Variants in VPS35 observed in about 807,000 individuals in gnomAD.
The protein encoded by VPS35 is VPS35 retromer complex component.
Under a neutral mutation model 98.1 loss-of-function variants are expected in VPS35, and 21 were observed. The observed-to-expected ratio is 0.21, with a 90% CI of 0.15 to 0.31. VPS35 has a LOEUF of 0.31. VPS35 is among the 10% of genes least tolerant of loss of function. VPS35 has a pLI of 1.00. For missense variants in VPS35, 554 were observed against 950.8 expected, an observed-to-expected ratio of 0.58 and a Z score of 5.49; for synonymous variants, 268 against 318.2, an observed-to-expected ratio of 0.84 and a Z score of 1.68.
rs559637051 is a variant in VPS35 at position 46,662,336 on chromosome 16, G to A, written c.1974C>T (p.Ser658=). 6 of 1,614,178 alleles carry A rather than the reference G, an allele frequency of 3.7e-6. No individual in the cohort carries two copies. The highest frequency in any genetic ancestry group is 1.3e-5 in the African/African-American group (1 of 75,032). The change falls in exon 15 of 17, where the codon TCC becomes TCT. Residue 658 remains serine (S), a synonymous_variant. Coordinates refer to ENST00000299138, the MANE Select transcript of VPS35 (RefSeq NM_018206.6). The part of the protein sequence containing the change: ...PLRTQCALAA[S]KLLKKPDQGR... The stretch of plus-strand genomic sequence containing the variant: ...CCTGATCAGGTTTCTTTAGAAGTTT[G>A]GATGCAGCAAGGGCACACTGAGTCC...
Position 46,663,862 on chromosome 16 carries a change from A to ATTT in VPS35, c.1648-703_1648-701dup, listed in dbSNP as rs546485076. Among the ~76,000 whole-genome samples the ATTT allele has an allele frequency of 4.7e-3, 135 of 28,658 alleles. 21 individuals carry two copies. Among genetic ancestry groups the ATTT allele is most frequent in the African/African-American group, 0.015 (119 of 7,740 alleles). The allele number at this position is 28,658 out of a possible 152,430, so 18.8% of individuals were successfully genotyped here. A position where few individuals can be genotyped will look rare whatever the true frequency, so the allele number is the denominator to read the frequency against. On this transcript the variant is annotated intron_variant, in intron 13 of 16. Transcript: ENST00000299138. ...AGGCTTGCATCACCACACCTGGCTAATTTTTTTTTTTTTTTTTTTTTTTTT... is the reference window on the plus strand; with the variant it reads ...AGGCTTGCATCACCACACCTGGCTAATTTTTTTTTTTTTTTTTTTTTTTTTTTT...
chr16:46,674,742 T>C, intron 8 of VPS35, 82 bp from the exon 9 acceptor site: 1 of 1,211,914 alleles, frequency 8.3e-7, no homozygotes, highest in Non-Finnish European at 1.2e-6. Context: ...TTATTCTTTA[T>C]TGCTTTTCTA....
intron 1 of VPS35, 134 bp downstream of exon 1, chr16:46,688,997 G>T (rs952401243): frequency 8.4e-6 from 13 of 1,544,572 alleles, no homozygotes; most frequent in Non-Finnish European, 7.0e-6. Flanking sequence ...CTATCCCGCA[G>T]GCCAAATCGG....
intron 1 of VPS35, among the ~76,000 whole-genome samples, chr16:46,684,694 G>A (rs1286360343): frequency 6.6e-6 from 1 of 152,054 alleles, no homozygotes; most frequent in African/African-American, 2.4e-5. Context: ...TTACATCCTT[G>A]GGATCCAACA....
intron 14 of VPS35, 97 bp from the exon 15 acceptor site, chr16:46,662,579 C>T: frequency 6.4e-7 from 1 of 1,560,490 alleles, no homozygotes; most frequent in African/African-American, 1.3e-5. Context: ...TCCTGTGAGA[C>T]TTCTGCAGCC....
chr16:46,676,360 T>C (rs1966152871), intron 8 of VPS35: 4 of 499,782 alleles, frequency 8.0e-6, no homozygotes, highest in Non-Finnish European at 1.4e-5. Context: ...ATAAAGATAT[T>C]CATTATCTTC....
At chr16:46,686,353 A>G (rs187698516) in intron 1 of VPS35, among the ~76,000 whole-genome samples, 2 of 152,304 alleles carry the variant, frequency 1.3e-5, no homozygotes, top group Non-Finnish European at 1.5e-5. Context: ...ATAGCAAATG[A>G]AACTGTGGCT....
rs760891909 is a variant in VPS35 at position 46,676,667 on chromosome 16, T to C, written c.830A>G (p.Gln277Arg). The C allele has an allele frequency of 6.2e-7, 1 of 1,613,388 alleles. No homozygotes were observed. Among genetic ancestry groups the C allele is most frequent in the Non-Finnish European group, 8.5e-7 (1 of 1,179,518 alleles). ...GGCCCGAAGAAAAGGATTCAAAGTC[T>C]GGAGGTGAAATTCATCAGGGAAAAC... Reference protein sequence around the residue: ...IQVFPDEFHLQTLNPFLRACA... With the variant: ...IQVFPDEFHLRTLNPFLRACA... Residue 277 changes from glutamine to arginine, a missense_variant, in exon 8 of 17, where the codon CAG becomes CGG. Transcript: ENST00000299138.
intron 13 of VPS35, 134 bp downstream of exon 13, chr16:46,668,796 G>T: frequency 7.9e-7 from 1 of 1,257,864 alleles, no homozygotes; most frequent in Non-Finnish European, 1.1e-6. Flanking sequence ...TAGAGAGTTG[G>T]CGAAAATGGG....
At chr16:46,679,780 C>T (rs794279) in intron 5 of VPS35, among the ~76,000 whole-genome samples, 120,741 of 152,026 alleles carry the variant, frequency 0.79, 48,786 homozygotes, top group East Asian at 1. Flanking sequence ...ATGCTCAAAA[C>T]GGACACTCAA....
intron 1 of VPS35, 100 bp downstream of exon 1, chr16:46,689,031 T>C (rs763893039): frequency 7.0e-6 from 11 of 1,562,396 alleles, no homozygotes; most frequent in Non-Finnish European, 9.5e-6. Context: ...CCGAACGGTC[T>C]GTGGGGCCCC....
In VPS35 at chr16:46,663,862, A is replaced by AT. The variant is rs546485076; in HGVS notation, c.1648-701dup. 7.0e-4 allele frequency among the ~76,000 whole-genome samples: 20 copies of AT among 28,680 alleles called. 4 individuals are homozygous for AT. The highest frequency in any genetic ancestry group is 2.2e-3 in the African/African-American group (17 of 7,760). 18.8% of individuals were successfully genotyped at this position (28,680 alleles called of 152,430 possible). A position where few individuals can be genotyped will look rare whatever the true frequency, so the allele number is the denominator to read the frequency against. On this transcript the variant is annotated intron_variant, in intron 13 of 16. Coordinates refer to ENST00000299138, the MANE Select transcript of VPS35 (RefSeq NM_018206.6). The stretch of plus-strand genomic sequence containing the variant: ...AGGCTTGCATCACCACACCTGGCTA[A>AT]TTTTTTTTTTTTTTTTTTTTTTTTT...
chr16:46,677,899 T>C (rs1263742430), intron 6 of VPS35, among the ~76,000 whole-genome samples: 1 of 152,212 alleles, frequency 6.6e-6, no homozygotes, highest in Non-Finnish European at 1.5e-5. Flanking sequence ...CTAACATTAT[T>C]AGGTTCTATA....
chr16:46,678,807 C>T (rs1249357827), intron 6 of VPS35, 136 bp downstream of exon 6: 7 of 838,986 alleles, frequency 8.3e-6, no homozygotes, highest in Admixed American at 5.3e-5. Flanking sequence ...TATATCTTTC[C>T]GTTTAAGTCT....
At chr16:46,662,622 G>C (rs1369668962) in intron 14 of VPS35, 140 bp from the exon 15 acceptor site, 27 of 1,352,516 alleles carry the variant, frequency 2.0e-5, no homozygotes, top group Non-Finnish European at 2.7e-5. Flanking sequence ...CCTCTCTTGA[G>C]AGCCACAGGA....
chr16:46,662,877 A>T, intron 14 of VPS35, 106 bp downstream of exon 14: 1 of 1,258,620 alleles, frequency 7.9e-7, no homozygotes, highest in Non-Finnish European at 1.2e-6. Flanking sequence ...GTAGTTACAC[A>T]TTCAGTAAAA....
At position 46,660,504 on chromosome 16, in the gene VPS35, C is replaced by A. The variant is rs777050595; in HGVS notation, c.2359G>T (p.Glu787Ter). 1 of 1,613,836 alleles carries A rather than the reference C, an allele frequency of 6.2e-7. No individual in the cohort carries two copies. Among genetic ancestry groups the A allele is most frequent in the African/African-American group, 1.3e-5 (1 of 74,888 alleles). ...LRLRRESPES[E>*]GPIYEGLIL ...ATGAGACCTTCATAAATTGGCCCCT[C>A]GGATTCTGGTGATTCCCGCCGCAAG... The change falls in exon 17 of 17, where the codon GAG (glutamate) becomes TAG (stop). Residue 787 changes from glutamate (E) to a stop codon, truncating the protein, a stop_gained. Transcript: ENST00000299138. LOFTEE classifies it high-confidence loss of function.
At chr16:46,684,596 GAATT>G (rs1386648649) in intron 1 of VPS35, among the ~76,000 whole-genome samples, 1 of 152,072 alleles carries the variant, frequency 6.6e-6, no homozygotes, top group Non-Finnish European at 1.5e-5. Flanking sequence ...ATGCCAAAAA[GAATT>G]AACCACTTCT....
At chr16:46,662,852 G>T in intron 14 of VPS35, 131 bp downstream of exon 14, 1 of 990,122 alleles carries the variant, frequency 1.0e-6, no homozygotes, top group Non-Finnish European at 1.6e-6. Context: ...CAGGTTCCAT[G>T]ATGGTGGGAA....
Sources: allele counts gnomAD v4.1 joint callset (sites outside exome capture counted in the v4.1 genomes callset), GRCh38; gene constraint gnomAD v4.1.1; transcripts MANE v1.5; gene names NCBI Gene and HGNC (gene_info 2026-07-23, HGNC 2026-07-21).